Variants in FGD4 observed in about 807,000 individuals in gnomAD.
FGD4 encodes FYVE, RhoGEF and PH domain-containing protein 4.
In FGD4, 42 loss-of-function variants were observed where a neutral mutation model predicts 102.0. The observed-to-expected ratio is 0.41, with a 90% CI of 0.32 to 0.53. The LOEUF is 0.53. FGD4 is among the 20% of genes least tolerant of loss of function. The probability of loss-of-function intolerance (pLI) is 0.21; values close to 1 mark genes in which losing one functional copy is unlikely to be tolerated. For synonymous variants in FGD4, 380 were observed against 375.7 expected (o/e 1.01, Z -0.13); for missense variants, 902 against 1,078.2 (o/e 0.84, Z 2.29).
At position 32,439,319 on chromosome 12, in the gene FGD4, T is replaced by C. The variant is rs562864649; in HGVS notation, c.166+39360T>C. On this transcript the variant is annotated intron_variant, in intron 1 of 16. Transcript: ENST00000534526. The stretch of plus-strand genomic sequence containing the variant: ...TTCTTTATTTTTAAAGGCCGAATAG[T>C]ATTCCCTTGTGTATCTATGCCACAT... Among the ~76,000 whole-genome samples the C allele has an allele frequency of 1.9e-4, 29 of 152,370 alleles. 1 individual carries two copies. The highest frequency in any genetic ancestry group is 1.7e-3 in the South Asian group (8 of 4,826).
chr12:32,468,497 A>G (rs368123626), intron 1 of FGD4, among the ~76,000 whole-genome samples: 5 of 152,192 alleles, frequency 3.3e-5, no homozygotes, highest in Non-Finnish European at 5.9e-5. Context: ...AAATTCAGGT[A>G]AAAGTATGGT....
chr12:32,551,159 G>A (rs1943640914), intron 1 of FGD4, among the ~76,000 whole-genome samples: 1 of 152,186 alleles, frequency 6.6e-6, no homozygotes, highest in South Asian at 2.1e-4. Context: ...GCCAGCATGA[G>A]CAAGTGCTGG....
At chr12:32,613,570 TAC>T (rs1314382867) in intron 10 of FGD4, among the ~76,000 whole-genome samples, 12 of 152,140 alleles carry the variant, frequency 7.9e-5, no homozygotes, top group Non-Finnish European at 1.8e-4. Flanking sequence ...CTGGGTAACA[TAC>T]AGAGACCTCC....
intron 1 of FGD4, among the ~76,000 whole-genome samples, chr12:32,539,279 C>T (rs2136116857): frequency 6.6e-6 from 1 of 151,570 alleles, no homozygotes; most frequent in South Asian, 2.1e-4. Flanking sequence ...AATAGAAAAC[C>T]AATACACGGG....
At chr12:32,567,508 G>A (rs1341104014) in intron 2 of FGD4, among the ~76,000 whole-genome samples, 2 of 151,994 alleles carry the variant, frequency 1.3e-5, no homozygotes, top group African/African-American at 2.4e-5. Context: ...GTGCAGGGTA[G>A]GGCTGTTGCT....
rs1210085624 is a variant in FGD4, at chr12:32,585,223, TA to T, written c.1011+2757del. ...GAGTGAGACCCTGTCTCAAAAATTT[TA>T]TATATATATATATATATATATATAT... On this transcript the variant is annotated intron_variant, in intron 4 of 16. Transcript: ENST00000534526. Among the ~76,000 whole-genome samples the T allele has an allele frequency of 1.7e-3, 8 of 4,638 alleles. No homozygotes were observed. In the South Asian group the frequency reaches 0.043, roughly 25 times the overall value. 3.0% of individuals were successfully genotyped at this position (4,638 alleles called of 152,430 possible). A position where few individuals can be genotyped will look rare whatever the true frequency, so the allele number is the denominator to read the frequency against.
intron 1 of FGD4, among the ~76,000 whole-genome samples, chr12:32,468,015 C>CA (rs1185835581): frequency 6.6e-6 from 1 of 151,696 alleles, no homozygotes; most frequent in African/African-American, 2.4e-5. Flanking sequence ...GACTCCATCT[C>CA]AAAAAAAATT....
chr12:32,582,454 A>C lies in FGD4; in HGVS notation c.998A>C (p.His333Pro), dbSNP rs779485763. 1 of 1,610,694 alleles carries C rather than the reference A, an allele frequency of 6.2e-7. No individual in the cohort carries two copies. Among genetic ancestry groups the C allele is most frequent in the African/African-American group, 1.3e-5 (1 of 74,936 alleles). ...SPLELEQLDQ[H>P]HEMKETNEQK... ...CTGGAACTGGAGCAGCTGGACCAGC[A>C]CCATGAGATGAAGGTAGAGCATGAG... Residue 333 changes from histidine to proline, a missense_variant, in exon 4 of 17, where the codon CAC becomes CCC. His to Pro is a moderately conservative substitution (Grantham distance 77). Around this residue, in one of 2 missense-constraint regions of FGD4, gnomAD observed 443 missense variants for 459.2 expected, o/e 0.96. Coordinates refer to ENST00000534526, the MANE Select transcript of FGD4 (RefSeq NM_001370298.3).
At chr12:32,419,441 T>C (rs2038668844) in intron 1 of FGD4, among the ~76,000 whole-genome samples, 1 of 152,186 alleles carries the variant, frequency 6.6e-6, no homozygotes, top group African/African-American at 2.4e-5. Context: ...AGGGCAGCAC[T>C]GAGTTAAGTT....
intron 1 of FGD4, among the ~76,000 whole-genome samples, chr12:32,437,435 G>T (rs1048323490): frequency 1.3e-5 from 2 of 152,194 alleles, no homozygotes; most frequent in African/African-American, 2.4e-5. Flanking sequence ...CCTATACGAT[G>T]AGCGAGGCGA....
chr12:32,405,029 G>A (rs998659108), intron 1 of FGD4, among the ~76,000 whole-genome samples: 1 of 152,096 alleles, frequency 6.6e-6, no homozygotes. Context: ...CACCTCCCGG[G>A]TTCACGCCAT....
chr12:32,628,059 T>C (rs1307983027), intron 14 of FGD4, among the ~76,000 whole-genome samples: 2 of 152,138 alleles, frequency 1.3e-5, no homozygotes, highest in African/African-American at 4.8e-5. Flanking sequence ...GACCATGAGA[T>C]TGAACAGCTA....
intron 1 of FGD4, among the ~76,000 whole-genome samples, chr12:32,472,122 T>G (rs58632707): frequency 1.2e-4 from 18 of 152,100 alleles, no homozygotes; most frequent in Admixed American, 3.3e-4. Flanking sequence ...GAGGTGACAG[T>G]GTGCTGGCAG....
intron 1 of FGD4, among the ~76,000 whole-genome samples, chr12:32,446,327 C>T (rs1483150407): frequency 6.6e-6 from 1 of 151,940 alleles, no homozygotes; most frequent in Non-Finnish European, 1.5e-5. Context: ...TTTGTGTCGC[C>T]CAGCCCCCAC....
At position 32,486,273 on chromosome 12, in the gene FGD4, A is replaced by G. The variant is rs558654292; in HGVS notation, c.167-77864A>G. 1.6e-5 allele frequency: 15 copies of G among 919,484 alleles called. 1 individual carries two copies. The highest frequency in any genetic ancestry group is 2.3e-5 in the Non-Finnish European group (15 of 650,078). The allele number at this position is 919,484 out of a possible 1,614,324, so 57.0% of individuals were successfully genotyped here. On this transcript the variant is annotated intron_variant, in intron 1 of 16. Transcript: ENST00000534526. Reference sequence around the variant, plus strand: ...CTTTGTTTACTGTTAAGTGATAATAATTTGTACCACGATGGAAAAATTATC... The same window carrying G: ...CTTTGTTTACTGTTAAGTGATAATAGTTTGTACCACGATGGAAAAATTATC...
At chr12:32,427,238 G>T (rs1301289777) in intron 1 of FGD4, among the ~76,000 whole-genome samples, 1 of 152,184 alleles carries the variant, frequency 6.6e-6, no homozygotes. Context: ...TGCTTTAGCT[G>T]CATCGCAGAG....
intron 1 of FGD4, among the ~76,000 whole-genome samples, chr12:32,454,108 T>A (rs1207662382): frequency 1.3e-5 from 2 of 152,030 alleles, no homozygotes; most frequent in Non-Finnish European, 2.9e-5. Flanking sequence ...TGGTAGCCAG[T>A]TATTAAATTC....
chr12:32,621,176 A>T (rs956364147), intron 11 of FGD4, among the ~76,000 whole-genome samples: 1 of 151,926 alleles, frequency 6.6e-6, no homozygotes, highest in Non-Finnish European at 1.5e-5. Flanking sequence ...GGAGTTCTAG[A>T]CCAGCCTGGC....
intron 8 of FGD4, among the ~76,000 whole-genome samples, chr12:32,610,218 T>C (rs1949055422): frequency 6.6e-6 from 1 of 152,266 alleles, no homozygotes; most frequent in African/African-American, 2.4e-5. Context: ...CAAGTTGTAT[T>C]ACTTCCCCAT....
Sources: gnomAD v4.1 joint callset for allele counts (sites outside exome capture counted in the v4.1 genomes callset) on GRCh38, gnomAD v4.1.1 for gene constraint, gnomAD v4.1.1 regional missense constraint, MANE v1.5 for transcripts, NCBI Gene and HGNC (gene_info 2026-07-23, HGNC 2026-07-21) for gene names.